TEC: variants seen among roughly 807,000 people sequenced by gnomAD.
TEC encodes tyrosine-protein kinase Tec.
TEC carries 72 observed loss-of-function variants against 93.0 expected under a neutral mutation model. That is an observed-to-expected ratio of 0.77 (90% CI 0.64 to 0.94). The LOEUF (loss-of-function observed/expected upper bound fraction) is 0.94. Ranked by LOEUF, TEC falls within the 40% of genes least tolerant of loss-of-function variation. The probability of loss-of-function intolerance (pLI) is 0.00; values close to 1 mark genes in which losing one functional copy is unlikely to be tolerated. For missense variants in TEC, 630 were observed against 757.9 expected (o/e 0.83, Z 1.98); for synonymous variants, 249 against 247.7 (o/e 1.01, Z -0.05).
At chr4:48,161,184 G>C (rs1577710632) in intron 8 of TEC, among the ~76,000 whole-genome samples, 2 of 152,112 alleles carry the variant, frequency 1.3e-5, no homozygotes, top group South Asian at 4.1e-4. Context: ...AATAAATCAT[G>C]AAAAGAAGAC....
At position 48,156,716 on chromosome 4, in the gene TEC, C is replaced by G. The variant is rs1039698473; in HGVS notation, c.756G>C (p.Met252Ile). The change falls in exon 9 of 18, where the codon ATG becomes ATC. Residue 252 changes from methionine (M) to isoleucine (I), a missense_variant. Physicochemically the swap from Met to Ile is conservative, Grantham distance 10. Transcript: ENST00000381501. ...GGAGTTGCTCTGCCTTGCTTCTATT[C>G]ATATTTCTGCAATACCATCTGAACA... ...LDQYEWYCRN[M>I]NRSKAEQLLR... The G allele has an allele frequency of 6.2e-7, 1 of 1,611,960 alleles. No individual in the cohort carries two copies. The highest frequency in any genetic ancestry group is 8.5e-7 in the Non-Finnish European group (1 of 1,179,348).
At chr4:48,162,528 C>A (rs543793443) in intron 8 of TEC, among the ~76,000 whole-genome samples, 3 of 152,302 alleles carry the variant, frequency 2.0e-5, no homozygotes, top group Admixed American at 6.5e-5. Flanking sequence ...CAAGTTTTCA[C>A]CTTTTAGCAC....
At chr4:48,200,660 C>T (rs1440080836) in intron 2 of TEC, among the ~76,000 whole-genome samples, 3 of 152,196 alleles carry the variant, frequency 2.0e-5, no homozygotes, top group African/African-American at 4.8e-5. Flanking sequence ...AGCCATGTGG[C>T]TAAGTTCTGG....
At chr4:48,170,450 C>T (rs551419855) in intron 4 of TEC, 74 bp from the exon 5 acceptor site, 51 of 1,021,990 alleles carry the variant, frequency 5.0e-5, no homozygotes, top group Non-Finnish European at 6.7e-5. Flanking sequence ...ATAACAGTGT[C>T]GATCATTACT....
intron 1 of TEC, among the ~76,000 whole-genome samples, chr4:48,252,851 C>T (rs1157960594): frequency 6.6e-6 from 1 of 152,200 alleles, no homozygotes; most frequent in African/African-American, 2.4e-5. Flanking sequence ...GGACCAGTGG[C>T]CAGCAGAGTA....
rs538931556 is a variant in TEC at position 48,205,871 on chromosome 4, A to G, written c.138+22606T>C. ...GAGAAATGAAAACATATGTCTACAC[A>G]AAAACTTGTACATGAATATTCATAT... On this transcript the variant is annotated intron_variant, in intron 2 of 17. Coordinates refer to ENST00000381501, the MANE Select transcript of TEC (RefSeq NM_003215.3). 3.9e-5 allele frequency among the ~76,000 whole-genome samples: 6 copies of G among 152,360 alleles called. No homozygotes were observed. The South Asian group carries it at 1.2e-3, about 32-fold the overall frequency.
chr4:48,241,320 A>G (rs189079934), intron 1 of TEC, among the ~76,000 whole-genome samples: 266 of 152,212 alleles, frequency 1.7e-3, no homozygotes, highest in African/African-American at 5.5e-3. Context: ...CTAATACAGT[A>G]TAGTAGAAAT....
At chr4:48,186,071 C>G (rs1721826142) in intron 2 of TEC, among the ~76,000 whole-genome samples, 1 of 152,236 alleles carries the variant, frequency 6.6e-6, no homozygotes, top group African/African-American at 2.4e-5. Flanking sequence ...GTTGGCCGGG[C>G]TGGTCTCCAG....
chr4:48,153,646 G>C (rs1253007441), intron 9 of TEC: 1 of 152,070 alleles, frequency 6.6e-6, no homozygotes, highest in African/African-American at 2.4e-5. Flanking sequence ...CAAAAAATTT[G>C]CAACCTCCAG....
chr4:48,225,278 A>T (rs1723410400), intron 2 of TEC, among the ~76,000 whole-genome samples: 1 of 151,860 alleles, frequency 6.6e-6, no homozygotes, highest in Admixed American at 6.6e-5. Context: ...GGCTCCAAGC[A>T]ATTCTCTTGC....
chr4:48,200,278 G>T (rs1316364751), intron 2 of TEC, among the ~76,000 whole-genome samples: 1 of 152,054 alleles, frequency 6.6e-6, no homozygotes, highest in Non-Finnish European at 1.5e-5. Flanking sequence ...GGTGGGCTGG[G>T]GGGTGGGGAG....
At chr4:48,252,884 C>T (rs1408489430) in intron 1 of TEC, among the ~76,000 whole-genome samples, 1 of 152,218 alleles carries the variant, frequency 6.6e-6, no homozygotes, top group Non-Finnish European at 1.5e-5. Flanking sequence ...TACCATAGCA[C>T]ACATTTACTG....
intron 1 of TEC, among the ~76,000 whole-genome samples, chr4:48,236,383 G>A (rs1345983930): frequency 2.0e-5 from 3 of 151,636 alleles, no homozygotes; most frequent in Admixed American, 1.3e-4. Flanking sequence ...CCGGGTTCAC[G>A]CCATTCTCCT....
chr4:48,254,854 C>T (rs985568090), intron 1 of TEC, among the ~76,000 whole-genome samples: 1 of 151,736 alleles, frequency 6.6e-6, no homozygotes, highest in Admixed American at 6.6e-5. Context: ...GGGTGTGGCA[C>T]CTCCTTTCAC....
chr4:48,173,911 G>A (rs1466994), intron 3 of TEC, among the ~76,000 whole-genome samples: 57,687 of 151,982 alleles, frequency 0.38, 11,967 homozygotes, highest in East Asian at 0.9. Context: ...CTCTCCATCC[G>A]TCCTACTTTC....
At chr4:48,230,218 C>A (rs1036307637) in intron 1 of TEC, among the ~76,000 whole-genome samples, 1 of 152,092 alleles carries the variant, frequency 6.6e-6, no homozygotes, top group Non-Finnish European at 1.5e-5. Context: ...AGGAATTCTA[C>A]CATCTTCACA....
intron 2 of TEC, among the ~76,000 whole-genome samples, chr4:48,219,592 TGCTGACGTGTGCAGAGAAGAAAAC>T (rs1723188653): frequency 6.6e-6 from 1 of 152,190 alleles, no homozygotes; most frequent in Non-Finnish European, 1.5e-5. Flanking sequence ...GAGAAGAAAA[TGCTGACGTGTGCAGAGAAGAAAAC>T]GCTGACGTAT....
At chr4:48,171,864 G>A (rs557858137) in intron 3 of TEC, among the ~76,000 whole-genome samples, 2 of 152,174 alleles carry the variant, frequency 1.3e-5, no homozygotes, top group Admixed American at 6.5e-5. Context: ...ATTAAGCACC[G>A]ACTACGCCAG....
intron 2 of TEC, among the ~76,000 whole-genome samples, chr4:48,177,746 G>A (rs1030518833): frequency 2.0e-5 from 3 of 152,206 alleles, no homozygotes; most frequent in Non-Finnish European, 4.4e-5. Flanking sequence ...TTGAGGGCAG[G>A]ACCTAGTGGG....
Sources: gnomAD v4.1 joint callset for allele counts (sites outside exome capture counted in the v4.1 genomes callset) on GRCh38, gnomAD v4.1.1 for gene constraint, MANE v1.5 for transcripts, NCBI Gene and HGNC (gene_info 2026-07-23, HGNC 2026-07-21) for gene names.